The following ACSL3 variants were observed in gnomAD, a reference collection of about 807,000 sequenced individuals.
The protein encoded by ACSL3 is fatty acid CoA ligase Acsl3.
ACSL3 carries 34 observed loss-of-function variants against 84.7 expected under a neutral mutation model. That is an observed-to-expected ratio of 0.40 (90% CI 0.31 to 0.53). ACSL3 has a LOEUF of 0.53. Among genes scored for constraint, ACSL3 ranks in the 20% least tolerant of loss-of-function variants. The probability of loss-of-function intolerance (pLI) is 0.48; values close to 1 mark genes in which losing one functional copy is unlikely to be tolerated. For missense variants in ACSL3, 680 were observed against 873.1 expected, an observed-to-expected ratio of 0.78 and a Z score of 2.79; for synonymous variants, 315 against 299.4, an observed-to-expected ratio of 1.05 and a Z score of -0.54.
intron 16 of ACSL3, among the ~76,000 whole-genome samples, chr2:222,938,172 T>A (rs1574571456): frequency 1.3e-5 from 2 of 152,204 alleles, no homozygotes; most frequent in African/African-American, 4.8e-5. Flanking sequence ...TTAAATTCTA[T>A]ACAGATTTAA....
chr2:222,914,562 A>C (rs958909457), intron 4 of ACSL3, among the ~76,000 whole-genome samples: 1 of 152,158 alleles, frequency 6.6e-6, no homozygotes, highest in African/African-American at 2.4e-5. Context: ...GCACCTGCCC[A>C]GAGGAGGCTA....
intron 15 of ACSL3, among the ~76,000 whole-genome samples, 195 bp from the exon 16 acceptor site, chr2:222,934,335 T>G (rs190053661): frequency 1.4e-3 from 210 of 152,344 alleles, no homozygotes; most frequent in African/African-American, 4.8e-3. Flanking sequence ...CAACGAACTC[T>G]GCCAAAGCAT....
At chr2:222,887,682 T>G (rs1695755617) in intron 1 of ACSL3, 148 bp from the exon 2 acceptor site, 1 of 152,176 alleles carries the variant, frequency 6.6e-6, no homozygotes, top group Admixed American at 6.6e-5. Flanking sequence ...TTTGCTAGCG[T>G]GATAGGTTGG....
intron 16 of ACSL3, among the ~76,000 whole-genome samples, chr2:222,935,597 GT>G (rs912360723): frequency 6.6e-5 from 10 of 152,028 alleles, no homozygotes; most frequent in African/African-American, 2.2e-4. Flanking sequence ...TGCCTTATTG[GT>G]TTTGCTCATA....
intron 4 of ACSL3, 45 bp from the exon 5 acceptor site, chr2:222,916,274 T>C: frequency 7.8e-7 from 1 of 1,274,370 alleles, no homozygotes; most frequent in Non-Finnish European, 1.0e-6. Flanking sequence ...CTTCTGTAAA[T>C]TATTATTTTG....
chr2:222,884,882 C>T (rs1337622663), intron 1 of ACSL3, among the ~76,000 whole-genome samples: 2 of 152,186 alleles, frequency 1.3e-5, no homozygotes, highest in Non-Finnish European at 1.5e-5. Context: ...AAAATACATG[C>T]ATCAACTCAG....
At chr2:222,933,982 C>T (rs1697103716) in intron 15 of ACSL3, among the ~76,000 whole-genome samples, 2 of 151,978 alleles carry the variant, frequency 1.3e-5, no homozygotes, top group Non-Finnish European at 2.9e-5. Flanking sequence ...TGATAGTAAC[C>T]AGAAGCATCT....
intron 2 of ACSL3, among the ~76,000 whole-genome samples, chr2:222,899,940 G>A (rs950591367): frequency 8.6e-5 from 13 of 152,034 alleles, no homozygotes; most frequent in African/African-American, 2.4e-4. Context: ...CCGGAGGCTC[G>A]GAATGCCTAA....
chr2:222,880,928 A>C (rs1407189602), intron 1 of ACSL3, among the ~76,000 whole-genome samples: 3 of 152,098 alleles, frequency 2.0e-5, no homozygotes, highest in Non-Finnish European at 4.4e-5. Flanking sequence ...ATATTTTTCA[A>C]ATGATTCCTT....
At chr2:222,919,625 C>T (rs1342272821) in intron 7 of ACSL3, among the ~76,000 whole-genome samples, 2 of 152,156 alleles carry the variant, frequency 1.3e-5, no homozygotes, top group South Asian at 2.1e-4. Context: ...GAAAACCTTA[C>T]CCTCCAACTA....
intron 1 of ACSL3, among the ~76,000 whole-genome samples, chr2:222,877,180 G>A (rs1022563425): frequency 2.6e-5 from 4 of 152,180 alleles, no homozygotes; most frequent in African/African-American, 9.7e-5. Flanking sequence ...AGAGCTCAAG[G>A]GGATTGGAGT....
At chr2:222,863,996 G>A (rs1422156684) in intron 1 of ACSL3, among the ~76,000 whole-genome samples, 7 of 151,622 alleles carry the variant, frequency 4.6e-5, no homozygotes, top group Admixed American at 2.0e-4. Context: ...CAAAGTGCTA[G>A]CATATCTCAT....
intron 1 of ACSL3, among the ~76,000 whole-genome samples, chr2:222,872,499 C>T (rs961635294): frequency 6.6e-6 from 1 of 152,158 alleles, no homozygotes; most frequent in East Asian, 1.9e-4. Context: ...ATCTGTCATC[C>T]ATCCATCTGT....
At chr2:222,923,969 A>G (rs1399181539) in intron 10 of ACSL3, among the ~76,000 whole-genome samples, 3 of 152,222 alleles carry the variant, frequency 2.0e-5, no homozygotes, top group African/African-American at 7.2e-5. Context: ...TCCTGGTGCA[A>G]TATCGAAAGT....
intron 1 of ACSL3, chr2:222,861,598 G>T (rs970992874): frequency 1.3e-5 from 2 of 152,296 alleles, no homozygotes; most frequent in African/African-American, 4.8e-5. Context: ...GCGGGGTGGG[G>T]AGGCCACCCC....
intron 5 of ACSL3, chr2:222,917,802 CAAAATA>C (rs1469690498): frequency 7.1e-6 from 2 of 281,472 alleles, no homozygotes; most frequent in Admixed American, 1.0e-4. Flanking sequence ...GTAAGTGAAA[CAAAATA>C]AAAATTTAAA....
chr2:222,923,014 A>C, intron 9 of ACSL3, 64 bp from the exon 10 acceptor site: 1 of 1,417,486 alleles, frequency 7.1e-7, no homozygotes, highest in Non-Finnish European at 9.8e-7. Flanking sequence ...TTTTGATCTA[A>C]GAATACCATT....
intron 15 of ACSL3, 33 bp downstream of exon 15, chr2:222,933,313 A>G: frequency 6.8e-7 from 1 of 1,472,990 alleles, no homozygotes; most frequent in Non-Finnish European, 9.4e-7. Context: ...ACTTTTACTT[A>G]AAATATTTGA....
chr2:222,871,845 G>C (rs374834093), intron 1 of ACSL3, among the ~76,000 whole-genome samples: 11 of 152,252 alleles, frequency 7.2e-5, no homozygotes, highest in African/African-American at 2.6e-4. Context: ...GCTTGAATTA[G>C]TTTTCTAATG....
Sources: allele counts gnomAD v4.1 joint callset (sites outside exome capture counted in the v4.1 genomes callset), GRCh38; gene constraint gnomAD v4.1.1; transcripts MANE v1.5; gene names NCBI Gene and HGNC (gene_info 2026-07-23, HGNC 2026-07-21).